The following CTNNA2 variants were observed in gnomAD, a reference collection of about 807,000 sequenced individuals.
CTNNA2 encodes catenin alpha 2, also known as catenin alpha-2.
In CTNNA2, 42 loss-of-function variants were observed where a neutral mutation model predicts 101.0. The ratio of observed to expected loss-of-function variants is 0.42; its 90% CI spans 0.32 to 0.54. The LOEUF (loss-of-function observed/expected upper bound fraction) is 0.54, where lower values mean the gene tolerates loss of function less well. Ranked by LOEUF, CTNNA2 falls within the 20% of genes least tolerant of loss-of-function variation. The probability of loss-of-function intolerance (pLI) is 0.14; values close to 1 mark genes in which losing one functional copy is unlikely to be tolerated. For synonymous variants in CTNNA2, 450 were observed against 456.4 expected (o/e 0.99, Z 0.18); for missense variants, 871 against 1,223.1 (o/e 0.71, Z 4.29).
rs961465315 is a variant in CTNNA2, at chr2:79,236,972, G to A, written c.-406+38896G>A. ...TTCTTTCAAATTCCTATGAATGTTG[G>A]TATTTTGACATTGGAGCATGACTGA... On this transcript the variant is annotated intron_variant, in intron 2 of 21. Coordinates refer to the CTNNA2 transcript ENST00000466387. 2.6e-5 allele frequency among the ~76,000 whole-genome samples: 4 copies of A among 152,212 alleles called. No homozygotes were observed. The South Asian group carries it at 8.3e-4, about 32-fold the overall frequency.
rs753061812 is a variant in CTNNA2 at position 80,419,616 on chromosome 2, G to T, written c.1290+15G>T. ...AACTGGTAGAGGTAAGTGTGGAGGG[G>T]CCTGAAGACTAGAGTTTACCGATGG... is the stretch of plus-strand genomic sequence containing the variant. On this transcript the variant is annotated intron_variant, in intron 9 of 18. Transcript: ENST00000402739. 2 of 1,612,894 alleles carry T rather than the reference G, an allele frequency of 1.2e-6. No homozygotes were observed. The highest frequency in any genetic ancestry group is 1.7e-6 in the Non-Finnish European group (2 of 1,179,272).
intron 7 of CTNNA2, among the ~76,000 whole-genome samples, chr2:80,122,144 G>A (rs761690838): frequency 3.3e-5 from 5 of 151,164 alleles, no homozygotes; most frequent in Non-Finnish European, 7.4e-5. Flanking sequence ...CGTGGCTCTG[G>A]GTTGGAGCTT....
At chr2:79,964,657 C>T (rs755324348) in intron 7 of CTNNA2, among the ~76,000 whole-genome samples, 21 of 152,124 alleles carry the variant, frequency 1.4e-4, no homozygotes, top group Non-Finnish European at 2.1e-4. Flanking sequence ...TGCAGATAGA[C>T]GAATTACACA....
intron 4 of CTNNA2, among the ~76,000 whole-genome samples, chr2:79,494,332 C>A (rs1671234129): frequency 6.7e-6 from 1 of 150,204 alleles, no homozygotes; most frequent in Admixed American, 6.6e-5. Context: ...TGTGGAAATG[C>A]AGGGGATCTA....
intron 7 of CTNNA2, among the ~76,000 whole-genome samples, chr2:79,913,359 T>G (rs1685947322): frequency 6.6e-6 from 1 of 152,170 alleles, no homozygotes; most frequent in East Asian, 1.9e-4. Flanking sequence ...CCCACCCGTT[T>G]GAAGCACCAT....
At position 79,565,491 on chromosome 2, in the gene CTNNA2, C is replaced by T. The variant is rs540654676; in HGVS notation, c.-6+52284C>T. 5.9e-5 allele frequency among the ~76,000 whole-genome samples: 9 copies of T among 152,094 alleles called. No individual in the cohort carries two copies. In the East Asian group the frequency reaches 1.7e-3, roughly 29 times the overall value. On this transcript the variant is annotated intron_variant, in intron 1 of 18. Coordinates refer to ENST00000402739, the MANE Select transcript of CTNNA2 (RefSeq NM_001282597.3). The stretch of plus-strand genomic sequence containing the variant: ...CTGTCTCAGTGAGAGCATGTCTGGG[C>T]AGGAAGAAGACTTAGAAAGTTGATG...
chr2:79,499,671 A>G (rs930980110), intron 4 of CTNNA2, among the ~76,000 whole-genome samples: 6 of 152,116 alleles, frequency 3.9e-5, no homozygotes, highest in African/African-American at 9.7e-5. Flanking sequence ...CACACTGGCT[A>G]TAGTATCCCA....
rs1259538178 is a variant in CTNNA2, at chr2:80,033,055, G to A, written c.1056+123258G>A. On this transcript the variant is annotated intron_variant, in intron 7 of 18. Coordinates refer to ENST00000402739, the MANE Select transcript of CTNNA2 (RefSeq NM_001282597.3). ...AGTCCCAGATACTCAGGAGGCTGTG[G>A]CAGGAGAATTGCTTGAACCTGGGAG... 3.4e-5 allele frequency among the ~76,000 whole-genome samples: 5 copies of A among 149,064 alleles called. No individual in the cohort carries two copies. The East Asian group carries it at 6.1e-4, about 18-fold the overall frequency.
chr2:79,555,199 TTTCTC>T (rs1183841160), intron 1 of CTNNA2, among the ~76,000 whole-genome samples: 3 of 152,148 alleles, frequency 2.0e-5, no homozygotes, highest in Non-Finnish European at 2.9e-5. Context: ...TTCTATCACT[TTTCTC>T]TTTCTTGGCA....
intron 7 of CTNNA2, among the ~76,000 whole-genome samples, chr2:80,054,019 A>G (rs1165371087): frequency 6.6e-6 from 1 of 152,208 alleles, no homozygotes; most frequent in East Asian, 1.9e-4. Flanking sequence ...AGTTAAGTGA[A>G]CCATACAGTG....
chr2:80,351,619 A>G (rs1407158726), intron 7 of CTNNA2, among the ~76,000 whole-genome samples: 1 of 152,064 alleles, frequency 6.6e-6, no homozygotes, highest in African/African-American at 2.4e-5. Flanking sequence ...CATGAAATTT[A>G]ATTTGCTTTA....
intron 2 of CTNNA2, among the ~76,000 whole-genome samples, chr2:79,659,199 A>C (rs1445479439): frequency 1.4e-5 from 2 of 143,014 alleles, no homozygotes; most frequent in Non-Finnish European, 3.0e-5. Flanking sequence ...AACTTCTGAG[A>C]GTTGATCCAG....
chr2:79,989,941 C>T (rs1052705197), intron 7 of CTNNA2, among the ~76,000 whole-genome samples: 2 of 151,846 alleles, frequency 1.3e-5, no homozygotes, highest in Non-Finnish European at 1.5e-5. Context: ...CAAGGAAATT[C>T]GGAGTTTGGT....
chr2:80,609,548 G>T (rs904234010), intron 17 of CTNNA2, among the ~76,000 whole-genome samples: 3 of 151,728 alleles, frequency 2.0e-5, no homozygotes, highest in African/African-American at 7.3e-5. Flanking sequence ...GTCTTGCAAT[G>T]TGTCCTTTCT....
At chr2:79,463,653 C>G (rs1670902557) in intron 4 of CTNNA2, among the ~76,000 whole-genome samples, 1 of 152,102 alleles carries the variant, frequency 6.6e-6, no homozygotes, top group African/African-American at 2.4e-5. Flanking sequence ...TACCTGATAC[C>G]TTGGAAGCAA....
At chr2:79,526,093 G>A (rs1176659844) in intron 1 of CTNNA2, among the ~76,000 whole-genome samples, 4 of 151,854 alleles carry the variant, frequency 2.6e-5, no homozygotes, top group Admixed American at 1.3e-4. Flanking sequence ...CTTAACCAAG[G>A]CAAGTTAATA....
At chr2:79,426,677 G>A (rs1678595444) in intron 4 of CTNNA2, among the ~76,000 whole-genome samples, 1 of 152,124 alleles carries the variant, frequency 6.6e-6, no homozygotes, top group Non-Finnish European at 1.5e-5. Flanking sequence ...CATGTAGAGT[G>A]TGGTACAATT....
chr2:80,555,866 G>A lies in CTNNA2; in HGVS notation c.1714G>A (p.Glu572Lys). The stretch of plus-strand genomic sequence containing the variant: ...TGGGGTTTATACTGAGAAGGTGTTG[G>A]AAGCTACAAAATTGCTTTCTGAAAC... ...EAGVYTEKVL[E>K]ATKLLSETVM... The change falls in exon 12 of 19, where the codon GAA becomes AAA. Residue 572 changes from glutamate to lysine, a missense_variant. Glu to Lys is a moderately conservative substitution (Grantham distance 56). Transcript: ENST00000402739. 1 of 1,561,088 alleles carries A rather than the reference G, an allele frequency of 6.4e-7. No homozygotes were observed. The highest frequency in any genetic ancestry group is 8.7e-7 in the Non-Finnish European group (1 of 1,152,466).
intron 4 of CTNNA2, among the ~76,000 whole-genome samples, chr2:79,447,006 T>C (rs1678840669): frequency 6.6e-6 from 1 of 151,976 alleles, no homozygotes; most frequent in Admixed American, 6.6e-5. Flanking sequence ...ATGGCCTGAA[T>C]ATATAGATGT....
Sources: allele counts gnomAD v4.1 joint callset (sites outside exome capture counted in the v4.1 genomes callset), GRCh38; gene constraint gnomAD v4.1.1; transcripts MANE v1.5; gene names NCBI Gene and HGNC (gene_info 2026-07-23, HGNC 2026-07-21).